The following LRRC9 variants were observed in gnomAD, a reference collection of about 807,000 sequenced individuals.
LRRC9 encodes leucine rich repeat containing 9.
Under a neutral mutation model 63.2 loss-of-function variants are expected in LRRC9, and 122 were observed. That is an observed-to-expected ratio of 1.93 (90% CI 1.67 to 2.24). LRRC9 has a LOEUF of 2.24. LRRC9 is among the 30% of genes most tolerant of loss of function. The pLI is 0.00. For synonymous variants in LRRC9, 366 were observed against 213.1 expected, an observed-to-expected ratio of 1.72 and a Z score of -6.25; for missense variants, 1,071 against 627.7, an observed-to-expected ratio of 1.71 and a Z score of -7.55.
chr14:60,042,167 C>T lies in LRRC9; in HGVS notation c.3990+10104C>T, dbSNP rs746810849. Among the ~76,000 whole-genome samples the T allele has an allele frequency of 3.9e-5, 6 of 152,226 alleles. No individual in the cohort carries two copies. The highest frequency in any genetic ancestry group is 2.6e-4 in the Admixed American group (4 of 15,278). On this transcript the variant is annotated intron_variant, in intron 29 of 31. Coordinates refer to ENST00000445360, the Ensembl canonical transcript of LRRC9. This position sits in a 1 kb window ranked among gnomAD's most constrained non-coding sequence, Gnocchi z 4.2. ...AGGTGTCAGTCAGCCCCTACTGGGA[C>T]GTGCCTCCCAGTTAGGCTACTTGGG...
chr14:59,938,798 A>G lies in LRRC9; in HGVS notation c.726+226A>G, dbSNP rs561919295. Among the ~76,000 whole-genome samples, 31 of 151,086 alleles carry G rather than the reference A, an allele frequency of 2.1e-4. No individual in the cohort carries two copies. The highest frequency in any genetic ancestry group is 6.5e-4 in the African/African-American group (27 of 41,354). On this transcript the variant is annotated intron_variant, in intron 7 of 31. Coordinates refer to ENST00000445360, the Ensembl canonical transcript of LRRC9. This position sits in a 1 kb window ranked among gnomAD's most constrained non-coding sequence, Gnocchi z 4.2. Reference sequence around the variant, plus strand: ...TACTGGAAGGTGAAATAATAGAATAATAATGTTTCTAATCTATACAAAACA... The same window carrying G: ...TACTGGAAGGTGAAATAATAGAATAGTAATGTTTCTAATCTATACAAAACA...
intron 29 of LRRC9, among the ~76,000 whole-genome samples, chr14:60,046,990 A>G (rs778414004): frequency 3.9e-5 from 6 of 152,008 alleles, no homozygotes; most frequent in Non-Finnish European, 8.8e-5. Context: ...TGTTAGCTGT[A>G]TTTCTAGGTA....
intron 12 of LRRC9, among the ~76,000 whole-genome samples, chr14:59,969,600 G>C (rs1373247810): frequency 6.6e-6 from 1 of 152,208 alleles, no homozygotes; most frequent in Non-Finnish European, 1.5e-5. Context: ...TCTACAGGCA[G>C]AGGGCTGGCC....
chr14:60,042,424 T>C lies in LRRC9; in HGVS notation c.3990+10361T>C, dbSNP rs1167065206. Among the ~76,000 whole-genome samples the C allele has an allele frequency of 6.6e-6, 1 of 152,200 alleles. No individual in the cohort carries two copies. The highest frequency in any genetic ancestry group is 6.5e-5 in the Admixed American group (1 of 15,284). On this transcript the variant is annotated intron_variant, in intron 29 of 31. Transcript: ENST00000445360. The surrounding 1 kb of genome is among the most constrained non-coding windows in gnomAD (Gnocchi z 4.2). Reference sequence around the variant, plus strand: ...GAGTTCGAGCTTCCCAGCTTCTTTGTTTACCTATTCAAGCCTCAGCAATGG... The same window carrying C: ...GAGTTCGAGCTTCCCAGCTTCTTTGCTTACCTATTCAAGCCTCAGCAATGG...
chr14:60,048,724 T>G (rs1312796312), intron 29 of LRRC9, among the ~76,000 whole-genome samples: 3 of 152,120 alleles, frequency 2.0e-5, no homozygotes, highest in South Asian at 2.1e-4. Flanking sequence ...GAAGAACTGG[T>G]ACCATTTCTA....
At chr14:59,939,551 A>G (rs1171563253) in intron 7 of LRRC9, among the ~76,000 whole-genome samples, 1 of 152,076 alleles carries the variant, frequency 6.6e-6, no homozygotes, top group East Asian at 1.9e-4. Context: ...TAGATGAGCC[A>G]TGTGGATGGT....
rs1157239003 is a variant in LRRC9 at position 60,034,015 on chromosome 14, C to CTT, written c.3990+1974_3990+1975dup. ...GGCCTTTTTATGTAATTTTTTCTTTCTTTTTTTTTTTTTTTTTTTTTTTGA... is the reference window on the plus strand; with the variant it reads ...GGCCTTTTTATGTAATTTTTTCTTTCTTTTTTTTTTTTTTTTTTTTTTTTTGA... On this transcript the variant is annotated intron_variant, in intron 29 of 31. Coordinates refer to ENST00000445360, the Ensembl canonical transcript of LRRC9. 9.3e-3 allele frequency among the ~76,000 whole-genome samples: 1,081 copies of CTT among 116,022 alleles called. 70 individuals are homozygous for CTT. Among genetic ancestry groups the CTT allele is most frequent in the African/African-American group, 0.035 (941 of 26,858 alleles). 76.1% of individuals were successfully genotyped at this position (116,022 alleles called of 152,430 possible).
In LRRC9 at chr14:59,964,242, C is replaced by T. The variant is rs535049122; in HGVS notation, c.1212-2347C>T. Among the ~76,000 whole-genome samples the T allele has an allele frequency of 2.0e-5, 3 of 152,206 alleles. No homozygotes were observed. The highest frequency in any genetic ancestry group is 2.9e-5 in the Non-Finnish European group (2 of 68,040). The stretch of plus-strand genomic sequence containing the variant: ...GTTTTATTGGCAGACTCTTCACCTA[C>T]AGTAAAGGATCAGTGTTCTCCACTG... On this transcript the variant is annotated intron_variant, in intron 10 of 31. Transcript: ENST00000445360. The surrounding 1 kb of genome is among the most constrained non-coding windows in gnomAD (Gnocchi z 4.4).
At chr14:60,007,628 T>C (rs1413257714) in intron 22 of LRRC9, among the ~76,000 whole-genome samples, 1 of 152,180 alleles carries the variant, frequency 6.6e-6, no homozygotes. Flanking sequence ...ATATTTGTCT[T>C]AAACATAGTG....
Position 60,020,282 on chromosome 14 carries a change from G to A in LRRC9, c.3566+1022G>A, listed in dbSNP as rs78528353. Among the ~76,000 whole-genome samples the A allele has an allele frequency of 3.4e-3, 515 of 151,850 alleles. 18 individuals are homozygous for A. In the East Asian group the frequency reaches 0.058, roughly 17 times the overall value. On this transcript the variant is annotated intron_variant, in intron 26 of 31. Coordinates refer to ENST00000445360, the Ensembl canonical transcript of LRRC9. ...GTCATTCATTTTGTTCCAAGTGTCA[G>A]TAATTTATTTCATTTTATTGCCGAA...
intron 8 of LRRC9, among the ~76,000 whole-genome samples, chr14:59,948,455 C>T (rs1882714688): frequency 1.5e-5 from 2 of 135,094 alleles, no homozygotes; most frequent in Non-Finnish European, 3.1e-5. Context: ...CATCTGCAAA[C>T]AGGGACAATT....
At chr14:60,062,502 A>T (rs192354447) in intron 31 of LRRC9, among the ~76,000 whole-genome samples, 1 of 152,334 alleles carries the variant, frequency 6.6e-6, no homozygotes, top group East Asian at 1.9e-4. Context: ...TCCTCTACCA[A>T]CTCACTCTAC....
At chr14:59,949,833 C>T (rs1156822732) in intron 8 of LRRC9, among the ~76,000 whole-genome samples, 12 of 143,096 alleles carry the variant, frequency 8.4e-5, no homozygotes, top group Non-Finnish European at 1.5e-4. Flanking sequence ...ATCCTGAGTT[C>T]TAGTTTGATT....
rs1424006897 is a variant in LRRC9, at chr14:59,920,276, C to G, written c.-34+393C>G. Reference sequence around the variant, plus strand: ...ATCCACCCTCTCTCTGTGATAAGGTCAGAATCCGTCACCTGGTGGCCTTCG... The same window carrying G: ...ATCCACCCTCTCTCTGTGATAAGGTGAGAATCCGTCACCTGGTGGCCTTCG... On this transcript the variant is annotated intron_variant, in intron 1 of 31. Coordinates refer to ENST00000445360, the Ensembl canonical transcript of LRRC9. 6.6e-6 allele frequency: 1 copy of G among 152,248 alleles called. No individual in the cohort carries two copies. The highest frequency in any genetic ancestry group is 6.5e-5 in the Admixed American group (1 of 15,282). 9.4% of individuals were successfully genotyped at this position (152,248 alleles called of 1,614,324 possible). A position where few individuals can be genotyped will look rare whatever the true frequency, so the allele number is the denominator to read the frequency against.
rs190155077 is a variant in LRRC9 at position 60,031,596 on chromosome 14, T to C, written c.3922-399T>C. Among the ~76,000 whole-genome samples, 2 of 152,062 alleles carry C rather than the reference T, an allele frequency of 1.3e-5. No homozygotes were observed. The highest frequency in any genetic ancestry group is 2.9e-5 in the Non-Finnish European group (2 of 67,962). On this transcript the variant is annotated intron_variant, in intron 28 of 31. Transcript: ENST00000445360. This position sits in a 1 kb window ranked among gnomAD's most constrained non-coding sequence, Gnocchi z 4.6. ...CTCAATATTACACATTCCTTTATGG[T>C]TAAGGCTGTGTTTAATTATGTACCT...
intron 8 of LRRC9, among the ~76,000 whole-genome samples, chr14:59,946,443 T>C (rs993312788): frequency 5.3e-5 from 8 of 151,444 alleles, no homozygotes; most frequent in African/African-American, 1.9e-4. Context: ...ATAATGGCTA[T>C]AGATATATAC....
At chr14:59,972,284 C>T (rs556668203) in intron 12 of LRRC9, among the ~76,000 whole-genome samples, 2 of 152,190 alleles carry the variant, frequency 1.3e-5, no homozygotes, top group Admixed American at 1.3e-4. Flanking sequence ...ACCTAGTTTG[C>T]AGGTTAATCC....
chr14:59,921,471 T>C (rs920184188), intron 1 of LRRC9, among the ~76,000 whole-genome samples: 3 of 152,028 alleles, frequency 2.0e-5, no homozygotes, highest in Non-Finnish European at 2.9e-5. Context: ...AAAAAAAATG[T>C]GGTAAGACCT....
chr14:60,008,102 A>G (rs1362261771), exon 23 of LRRC9: 1 of 694,750 alleles, frequency 1.4e-6, no homozygotes, highest in South Asian at 1.5e-5. Flanking sequence ...GGTTTATGCA[A>G]CTTGGTCATT....
Sources: allele counts gnomAD v4.1 joint callset (sites outside exome capture counted in the v4.1 genomes callset), GRCh38; gene constraint gnomAD v4.1.1; non-coding constraint Gnocchi (gnomAD v3.1); transcripts MANE v1.5; gene names NCBI Gene and HGNC (gene_info 2026-07-23, HGNC 2026-07-21).